The following DAB1 variants were observed in gnomAD, a reference collection of about 807,000 sequenced individuals.
The protein encoded by DAB1 is DAB adaptor protein 1.
Under a neutral mutation model 64.6 loss-of-function variants are expected in DAB1, and 15 were observed. That is an observed-to-expected ratio of 0.23 (90% CI 0.16 to 0.36). The LOEUF (loss-of-function observed/expected upper bound fraction) is 0.36. Among genes scored for constraint, DAB1 ranks in the 10% least tolerant of loss-of-function variants. The pLI, the probability that DAB1 is intolerant of heterozygous loss-of-function variation, is 1.00. For synonymous variants in DAB1, 235 were observed against 251.9 expected, an observed-to-expected ratio of 0.93 and a Z score of 0.64; for missense variants, 596 against 706.7, an observed-to-expected ratio of 0.84 and a Z score of 1.78.
chr1:58,360,480 A>G (rs967327970), intron 3 of DAB1, among the ~76,000 whole-genome samples: 1 of 152,168 alleles, frequency 6.6e-6, no homozygotes. Flanking sequence ...AGGCACTGAG[A>G]CTAAGTCCGT....
intron 5 of DAB1, among the ~76,000 whole-genome samples, chr1:57,897,385 T>G (rs1319825138): frequency 6.6e-6 from 1 of 152,156 alleles, no homozygotes; most frequent in African/African-American, 2.4e-5. Flanking sequence ...TTCTTAATTG[T>G]GTGGGAATCT....
chr1:57,069,533 G>T (rs1327898299), intron 7 of DAB1, 108 bp from the exon 8 acceptor site: 1 of 872,770 alleles, frequency 1.1e-6, no homozygotes, highest in Non-Finnish European at 1.9e-6. Flanking sequence ...AACGAAGCAG[G>T]CACAAGAGAA....
intron 5 of DAB1, among the ~76,000 whole-genome samples, chr1:57,965,276 A>C (rs1645636193): frequency 6.6e-6 from 1 of 152,168 alleles, no homozygotes; most frequent in Non-Finnish European, 1.5e-5. Context: ...TGAACTAATA[A>C]ACTTTTCTTC....
chr1:58,086,487 A>G (rs1291966787), intron 5 of DAB1, among the ~76,000 whole-genome samples: 1 of 152,156 alleles, frequency 6.6e-6, no homozygotes, highest in Non-Finnish European at 1.5e-5. Flanking sequence ...CTGTCCCAGT[A>G]TTAGTGTAAG....
Position 57,331,345 on chromosome 1 carries a change from CTA to C in DAB1, c.-136-40181_-136-40180del, listed in dbSNP as rs566578608. On this transcript the variant is annotated intron_variant, in intron 1 of 14. Transcript: ENST00000371236. The stretch of plus-strand genomic sequence containing the variant: ...ACCTTATTAAATACTCTTATTATTC[CTA>C]TGTTACAAATTTATAAATTGGCATA... 1.8e-3 allele frequency among the ~76,000 whole-genome samples: 279 copies of C among 152,286 alleles called. 5 individuals are homozygous for C. The highest frequency in any genetic ancestry group is 1.0e-3 in the Non-Finnish European group (68 of 68,024).
intron 1 of DAB1, among the ~76,000 whole-genome samples, chr1:57,418,902 A>T (rs1684692175): frequency 6.6e-6 from 1 of 152,222 alleles, no homozygotes; most frequent in Admixed American, 6.5e-5. Context: ...TAAAAAGAAC[A>T]TGTCAAAGAA....
intron 1 of DAB1, among the ~76,000 whole-genome samples, chr1:57,311,896 G>T (rs1236252679): frequency 2.0e-5 from 3 of 152,178 alleles, no homozygotes; most frequent in African/African-American, 7.2e-5. Flanking sequence ...ACAAGGTGAA[G>T]TCAGTCTTCT....
intron 6 of DAB1, among the ~76,000 whole-genome samples, chr1:57,686,223 C>A (rs1646696060): frequency 6.6e-6 from 1 of 152,116 alleles, no homozygotes; most frequent in African/African-American, 2.4e-5. Context: ...GACATTACAA[C>A]CAATCCCACA....
chr1:57,254,167 C>T (rs1047908188), intron 2 of DAB1, among the ~76,000 whole-genome samples: 5 of 152,308 alleles, frequency 3.3e-5, no homozygotes, highest in South Asian at 2.1e-4. Context: ...AGCTTCCTAA[C>T]GGTTTCCAAA....
chr1:57,816,987 T>A (rs1418516097), intron 6 of DAB1, among the ~76,000 whole-genome samples: 1 of 152,164 alleles, frequency 6.6e-6, no homozygotes, highest in Non-Finnish European at 1.5e-5. Context: ...GACGAAATTA[T>A]CTCATAATTC....
chr1:57,069,908 C>T (rs926633584), intron 7 of DAB1, among the ~76,000 whole-genome samples: 2 of 152,156 alleles, frequency 1.3e-5, no homozygotes, highest in Non-Finnish European at 2.9e-5. Context: ...CCTTATTTTG[C>T]GTTCTCACTT....
chr1:58,392,822 G>C (rs987832524), intron 3 of DAB1, among the ~76,000 whole-genome samples: 1 of 152,188 alleles, frequency 6.6e-6, no homozygotes, highest in South Asian at 2.1e-4. Flanking sequence ...CTCACCTTCT[G>C]TATAGCATTT....
At chr1:57,268,280 C>G (rs745860917) in intron 2 of DAB1, among the ~76,000 whole-genome samples, 1 of 152,132 alleles carries the variant, frequency 6.6e-6, no homozygotes, top group Admixed American at 6.5e-5. Flanking sequence ...GCGACAGAAA[C>G]AGAAAACAAA....
At chr1:57,502,933 G>A (rs757832470) in intron 7 of DAB1, among the ~76,000 whole-genome samples, 9 of 152,176 alleles carry the variant, frequency 5.9e-5, no homozygotes, top group Admixed American at 1.3e-4. Flanking sequence ...ATAGTTATGT[G>A]TCCAAAGCAT....
chr1:58,460,699 CTCT>C (rs1645235435), intron 3 of DAB1, among the ~76,000 whole-genome samples: 1 of 152,160 alleles, frequency 6.6e-6, no homozygotes, highest in Non-Finnish European at 1.5e-5. Flanking sequence ...TCTCATTGCT[CTCT>C]GACTGGGCTC....
At chr1:58,466,432 G>A (rs549535931) in intron 3 of DAB1, among the ~76,000 whole-genome samples, 7 of 152,072 alleles carry the variant, frequency 4.6e-5, no homozygotes, top group African/African-American at 9.6e-5. Flanking sequence ...CTGCTTTCTC[G>A]GAGGGCCTGA....
chr1:57,903,300 T>G (rs1481427418), intron 5 of DAB1, among the ~76,000 whole-genome samples: 1 of 152,166 alleles, frequency 6.6e-6, no homozygotes, highest in African/African-American at 2.4e-5. Flanking sequence ...GTTTTCTAAT[T>G]CTATCATTCC....
At chr1:57,669,585 C>G (rs187191404) in intron 6 of DAB1, among the ~76,000 whole-genome samples, 165 of 152,252 alleles carry the variant, frequency 1.1e-3, no homozygotes, top group African/African-American at 3.9e-3. Flanking sequence ...AGCAGGACAG[C>G]TGCCCAGCAC....
At chr1:57,489,066 C>T (rs1443726236) in intron 7 of DAB1, among the ~76,000 whole-genome samples, 1 of 152,176 alleles carries the variant, frequency 6.6e-6, no homozygotes, top group South Asian at 2.1e-4. Flanking sequence ...CTGGGCAAAT[C>T]CTTTGACTCT....
Sources: allele counts gnomAD v4.1 joint callset (sites outside exome capture counted in the v4.1 genomes callset), GRCh38; gene constraint gnomAD v4.1.1; transcripts MANE v1.5; gene names NCBI Gene and HGNC (gene_info 2026-07-23, HGNC 2026-07-21).